The following NTM variants were observed in gnomAD, a reference collection of about 807,000 sequenced individuals.
NTM encodes IgLON family member 2.
In NTM, 13 loss-of-function variants were observed where a neutral mutation model predicts 42.1. The observed-to-expected ratio is 0.31, with a 90% CI of 0.20 to 0.49. NTM has a LOEUF of 0.49. Ranked by LOEUF, NTM falls within the 20% of genes least tolerant of loss-of-function variation. NTM has a pLI of 0.99. For synonymous variants in NTM, 187 were observed against 179.2 expected (o/e 1.04, Z -0.35); for missense variants, 373 against 452.8 (o/e 0.82, Z 1.60).
intron 1 of NTM, among the ~76,000 whole-genome samples, chr11:131,768,621 T>G (rs2085531891): frequency 6.6e-6 from 1 of 152,170 alleles, no homozygotes; most frequent in African/African-American, 2.4e-5. Flanking sequence ...AGTCAATAAC[T>G]GCCTAGAGAA....
intron 2 of NTM, among the ~76,000 whole-genome samples, chr11:131,931,270 C>G (rs965650431): frequency 6.6e-5 from 10 of 151,692 alleles, no homozygotes; most frequent in African/African-American, 2.4e-4. Flanking sequence ...AAAACCCTGT[C>G]TCTATACAAA....
chr11:131,973,236 A>G lies in NTM; in HGVS notation c.167+61588A>G, dbSNP rs1355907850. Among the ~76,000 whole-genome samples, 3 of 152,308 alleles carry G rather than the reference A, an allele frequency of 2.0e-5. No homozygotes were observed. In the East Asian group the frequency reaches 5.8e-4, roughly 29 times the overall value. On this transcript the variant is annotated intron_variant, in intron 2 of 8. Coordinates refer to ENST00000683400, the MANE Select transcript of NTM (RefSeq NM_001352005.2). ...ATATCACCTCTAATCCTTTTTGTGC[A>G]TCCAGTTCTTCCAATAGGATACAGA...
intron 2 of NTM, among the ~76,000 whole-genome samples, chr11:131,914,000 C>G (rs936960256): frequency 1.3e-5 from 2 of 152,292 alleles, no homozygotes; most frequent in African/African-American, 4.8e-5. Context: ...GGATTGCCCT[C>G]CTTCTCAGAC....
chr11:131,493,926 A>G (rs575973517), intron 1 of NTM, among the ~76,000 whole-genome samples: 1 of 152,260 alleles, frequency 6.6e-6, no homozygotes, highest in Admixed American at 6.5e-5. Context: ...TCTTATTTCA[A>G]TTCTGCTTTC....
At chr11:131,854,404 A>T (rs1188473511) in intron 1 of NTM, among the ~76,000 whole-genome samples, 1 of 152,256 alleles carries the variant, frequency 6.6e-6, no homozygotes, top group East Asian at 1.9e-4. Flanking sequence ...GATGTACAGG[A>T]TAGCTGGGGA....
At chr11:131,452,106 C>T (rs914185725) in intron 1 of NTM, among the ~76,000 whole-genome samples, 47 of 152,286 alleles carry the variant, frequency 3.1e-4, no homozygotes, top group African/African-American at 8.4e-4. Context: ...ACAGCTTCCT[C>T]GAAAAGAAGT....
intron 1 of NTM, among the ~76,000 whole-genome samples, chr11:131,594,637 C>T (rs376978963): frequency 3.3e-5 from 5 of 152,266 alleles, no homozygotes; most frequent in South Asian, 2.1e-4. Context: ...GGGCTCAAGC[C>T]GTCCTCTTAC....
chr11:131,622,723 G>A (rs2062702390), intron 1 of NTM, among the ~76,000 whole-genome samples: 1 of 152,134 alleles, frequency 6.6e-6, no homozygotes, highest in South Asian at 2.1e-4. Flanking sequence ...TCTGTTGCAG[G>A]CAGGATGAGA....
chr11:132,226,261 G>T, intron 4 of NTM, among the ~76,000 whole-genome samples: 1 of 152,132 alleles, frequency 6.6e-6, no homozygotes, highest in South Asian at 2.1e-4. Context: ...GGTATTTCTG[G>T]TTCTAGATCC....
chr11:131,644,551 G>T (rs1038956914), intron 1 of NTM, among the ~76,000 whole-genome samples: 10 of 152,162 alleles, frequency 6.6e-5, no homozygotes, highest in Non-Finnish European at 4.4e-5. Flanking sequence ...CGCCACAGAA[G>T]TTTATTTTCT....
chr11:131,476,040 AAAG>A (rs1258813250), intron 1 of NTM, among the ~76,000 whole-genome samples: 1 of 152,108 alleles, frequency 6.6e-6, no homozygotes, highest in African/African-American at 2.4e-5. Context: ...AGGAAGGAAA[AAAG>A]GAAGAAAGGA....
chr11:131,458,642 T>G (rs888299942), intron 1 of NTM, among the ~76,000 whole-genome samples: 4 of 152,228 alleles, frequency 2.6e-5, no homozygotes, highest in African/African-American at 9.6e-5. Flanking sequence ...GTGTCTTATC[T>G]CTAGCACCTA....
rs1391589965 is a variant in NTM, at chr11:131,714,149, G to A, written c.83-197415G>A. ...GCCCACTCACCCAACTCCTGATATC[G>A]TACCTGGAAGCTGCTGATCACCAGC... On this transcript the variant is annotated intron_variant, in intron 1 of 8. Transcript: ENST00000683400. 3.9e-5 allele frequency among the ~76,000 whole-genome samples: 6 copies of A among 152,102 alleles called. No individual in the cohort carries two copies. In the South Asian group the frequency reaches 6.3e-4, roughly 16 times the overall value.
At chr11:132,225,402 A>G (rs996161880) in intron 4 of NTM, among the ~76,000 whole-genome samples, 6 of 151,950 alleles carry the variant, frequency 3.9e-5, no homozygotes, top group Non-Finnish European at 1.5e-5. Context: ...CTCAGCACAG[A>G]GCCTAGAGAC....
intron 2 of NTM, among the ~76,000 whole-genome samples, chr11:132,132,985 A>G (rs907434699): frequency 5.9e-5 from 9 of 152,172 alleles, no homozygotes; most frequent in Non-Finnish European, 1.0e-4. Context: ...CTTACAATCC[A>G]CTCACCCCAG....
chr11:132,250,785 C>T (rs1030279433), intron 4 of NTM, among the ~76,000 whole-genome samples: 2 of 152,102 alleles, frequency 1.3e-5, no homozygotes, highest in African/African-American at 4.8e-5. Flanking sequence ...TCAAGTTTGT[C>T]ATGCATTTCT....
At chr11:132,309,965 A>C (rs896166094) in intron 5 of NTM, 147 bp from the exon 6 acceptor site, 5 of 915,210 alleles carry the variant, frequency 5.5e-6, no homozygotes, top group Middle Eastern at 3.6e-4. Flanking sequence ...CTGATGCAGG[A>C]GAATTGCTTG....
intron 3 of NTM, among the ~76,000 whole-genome samples, chr11:132,205,223 G>A (rs78011754): frequency 0.017 from 2,610 of 152,204 alleles, 33 homozygotes; most frequent in Middle Eastern, 0.037. Context: ...ATCTGCATGC[G>A]CCGTGCAGTT....
intron 1 of NTM, among the ~76,000 whole-genome samples, chr11:131,530,794 T>G (rs2051154702): frequency 6.6e-6 from 1 of 152,062 alleles, no homozygotes; most frequent in Admixed American, 6.5e-5. Context: ...AGGGAGCAAA[T>G]GAAAGAGTTA....
Sources: gnomAD v4.1 joint callset for allele counts (sites outside exome capture counted in the v4.1 genomes callset) on GRCh38, gnomAD v4.1.1 for gene constraint, MANE v1.5 for transcripts, NCBI Gene and HGNC (gene_info 2026-07-23, HGNC 2026-07-21) for gene names.